Variants in KCNIP1 observed in about 807,000 individuals in gnomAD.
KCNIP1 encodes the protein A-type potassium channel modulatory protein KCNIP1.
Under a neutral mutation model 33.0 loss-of-function variants are expected in KCNIP1, and 18 were observed. The ratio of observed to expected loss-of-function variants is 0.55; its 90% CI spans 0.38 to 0.81. KCNIP1 has a LOEUF of 0.81. Among genes scored for constraint, KCNIP1 ranks in the 30% least tolerant of loss-of-function variants. The pLI is 0.00. For synonymous variants in KCNIP1, 93 were observed against 98.3 expected (o/e 0.95, Z 0.32); for missense variants, 238 against 271.6 (o/e 0.88, Z 0.87).
At chr5:170,652,440 G>A (rs2113724890) in intron 1 of KCNIP1, among the ~76,000 whole-genome samples, 1 of 135,796 alleles carries the variant, frequency 7.4e-6, no homozygotes, top group Non-Finnish European at 1.5e-5. Flanking sequence ...AGCCCAGATT[G>A]AACCACTGCA....
chr5:170,647,413 G>A (rs1184446134), intron 1 of KCNIP1, among the ~76,000 whole-genome samples: 1 of 152,086 alleles, frequency 6.6e-6, no homozygotes, highest in East Asian at 1.9e-4. Context: ...TGTGGTATGG[G>A]TGAAAAATAG....
intron 1 of KCNIP1, among the ~76,000 whole-genome samples, chr5:170,678,123 T>C (rs1762211639): frequency 1.3e-5 from 2 of 152,230 alleles, no homozygotes; most frequent in Non-Finnish European, 2.9e-5. Flanking sequence ...TAGAGAGATT[T>C]GTGAAGAAAC....
intron 1 of KCNIP1, among the ~76,000 whole-genome samples, chr5:170,526,299 A>C (rs943711493): frequency 6.6e-6 from 1 of 152,212 alleles, no homozygotes; most frequent in African/African-American, 2.4e-5. Context: ...AATGCCAGCT[A>C]TGTTGTCAAT....
chr5:170,585,114 G>A (rs77388264), intron 1 of KCNIP1, among the ~76,000 whole-genome samples: 7,841 of 151,974 alleles, frequency 0.052, 252 homozygotes, highest in African/African-American at 0.074. Flanking sequence ...CTAAGAAGTC[G>A]CAAAGCCAGA....
chr5:170,390,517 A>AAAAAAAAAAAAAATATAT, intron 1 of KCNIP1, among the ~76,000 whole-genome samples: 13 of 74,542 alleles, frequency 1.7e-4, no homozygotes, highest in African/African-American at 7.7e-4. Flanking sequence ...AAAAAAAACA[A>AAAAAAAAAAAAAATATAT]ATATATATAT....
At chr5:170,658,534 A>G (rs1761357930) in intron 1 of KCNIP1, among the ~76,000 whole-genome samples, 1 of 152,224 alleles carries the variant, frequency 6.6e-6, no homozygotes, top group African/African-American at 2.4e-5. Context: ...TATAGCTCAC[A>G]GAGATCGCTT....
rs1211010365 is a variant in KCNIP1, at chr5:170,576,877, T to C, written c.61+72244T>C. Among the ~76,000 whole-genome samples, 5 of 152,228 alleles carry C rather than the reference T, an allele frequency of 3.3e-5. 1 individual carries two copies. The highest frequency in any genetic ancestry group is 7.3e-5 in the Non-Finnish European group (5 of 68,040). On this transcript the variant is annotated intron_variant, in intron 1 of 7. Transcript: ENST00000328939. ...GCTGAGAAAATAGTTTCTGTGTATT[T>C]GTAAATTTACAGGTTGAACATAGAT...
At chr5:170,711,898 C>T (rs1403141314) in intron 1 of KCNIP1, among the ~76,000 whole-genome samples, 1 of 152,184 alleles carries the variant, frequency 6.6e-6, no homozygotes, top group African/African-American at 2.4e-5. Flanking sequence ...GAAAATAAGC[C>T]TCTGCTGTCT....
At chr5:170,432,393 T>G (rs1404965779) in intron 1 of KCNIP1, among the ~76,000 whole-genome samples, 1 of 151,994 alleles carries the variant, frequency 6.6e-6, no homozygotes, top group Non-Finnish European at 1.5e-5. Flanking sequence ...AACCTAATCC[T>G]TAGTTAATTA....
intron 1 of KCNIP1, among the ~76,000 whole-genome samples, chr5:170,355,971 G>C (rs987274790): frequency 6.6e-6 from 1 of 152,160 alleles, no homozygotes; most frequent in Non-Finnish European, 1.5e-5. Context: ...ACACAGCCCC[G>C]GCTCTGCGCC....
In KCNIP1 at chr5:170,526,432, C is replaced by T. The variant is rs535357032; in HGVS notation, c.61+21799C>T. ...GGGTTCCAGTCTGGGCTTTTCTGCT[C>T]TTTCCAGGCCATATTGGAACTGCCA... On this transcript the variant is annotated intron_variant, in intron 1 of 7. Coordinates refer to ENST00000328939, the MANE Select transcript of KCNIP1 (RefSeq NM_014592.4). Among the ~76,000 whole-genome samples, 14 of 152,282 alleles carry T rather than the reference C, an allele frequency of 9.2e-5. No homozygotes were observed. The East Asian group carries it at 1.9e-3, about 21-fold the overall frequency.
intron 3 of KCNIP1, 152 bp from the exon 4 acceptor site, chr5:170,721,681 T>C: frequency 6.5e-7 from 1 of 1,539,160 alleles, no homozygotes; most frequent in South Asian, 1.2e-5. Flanking sequence ...ACCCAAAGAG[T>C]TGAGTCAATG....
At chr5:170,654,509 A>G (rs764611335) in intron 1 of KCNIP1, among the ~76,000 whole-genome samples, 7 of 152,216 alleles carry the variant, frequency 4.6e-5, no homozygotes, top group Non-Finnish European at 1.0e-4. Context: ...ACAGTAGGAA[A>G]TGCATATATA....
chr5:170,696,769 C>T (rs1762912169), intron 1 of KCNIP1, among the ~76,000 whole-genome samples: 1 of 152,072 alleles, frequency 6.6e-6, no homozygotes, highest in Admixed American at 6.6e-5. Context: ...CTGTGTGTGT[C>T]TGTGTAGGAG....
intron 1 of KCNIP1, among the ~76,000 whole-genome samples, chr5:170,413,890 T>C (rs1030089385): frequency 2.0e-5 from 3 of 150,774 alleles, no homozygotes; most frequent in African/African-American, 7.4e-5. Context: ...TCCCCTGGTC[T>C]TGTCCAACTG....
intron 6 of KCNIP1, among the ~76,000 whole-genome samples, chr5:170,733,428 C>G (rs967127471): frequency 1.2e-4 from 18 of 152,202 alleles, no homozygotes; most frequent in Non-Finnish European, 1.9e-4. Context: ...TCTAGTTCAA[C>G]CTCCCACTTT....
chr5:170,406,504 A>G (rs1490998029), intron 1 of KCNIP1, among the ~76,000 whole-genome samples: 3 of 152,262 alleles, frequency 2.0e-5, no homozygotes, highest in Admixed American at 6.5e-5. Context: ...TTGACAAGAA[A>G]TGGCAGGTAG....
At chr5:170,563,050 G>A (rs543951295) in intron 1 of KCNIP1, among the ~76,000 whole-genome samples, 3 of 152,132 alleles carry the variant, frequency 2.0e-5, no homozygotes, top group Admixed American at 6.5e-5. Context: ...AGTTCCCCTC[G>A]TACGCTGCCC....
chr5:170,432,820 G>C lies in KCNIP1; in HGVS notation c.88+78856G>C, dbSNP rs1207296713. On this transcript the variant is annotated intron_variant, in intron 1 of 7. Coordinates refer to the KCNIP1 transcript ENST00000377360. ...TCCCCATTTTACAGATGCATAAACTGTCTAGTGAGGGTGACAGATAGTATT... is the reference window on the plus strand; with the variant it reads ...TCCCCATTTTACAGATGCATAAACTCTCTAGTGAGGGTGACAGATAGTATT... Among the ~76,000 whole-genome samples, 6 of 152,274 alleles carry C rather than the reference G, an allele frequency of 3.9e-5. No homozygotes were observed. The South Asian group carries it at 1.0e-3, about 26-fold the overall frequency.
Sources: allele counts gnomAD v4.1 joint callset (sites outside exome capture counted in the v4.1 genomes callset), GRCh38; gene constraint gnomAD v4.1.1; transcripts MANE v1.5; gene names NCBI Gene and HGNC (gene_info 2026-07-23, HGNC 2026-07-21).